Variants in ZNF208 observed in about 807,000 individuals in gnomAD.
ZNF208 encodes zinc finger protein 95.
ZNF208 carries 10 observed loss-of-function variants against 12.1 expected under a neutral mutation model. The observed-to-expected ratio is 0.83, with a 90% CI of 0.51 to 1.40. The LOEUF is 1.40. Ranked by LOEUF, ZNF208 falls within the 40% of genes most tolerant of loss-of-function variation. ZNF208 has a pLI of 0.00. For missense variants in ZNF208, 1,652 were observed against 1,485.0 expected (o/e 1.11, Z -1.85); for synonymous variants, 497 against 488.4 (o/e 1.02, Z -0.23).
intron 4 of ZNF208, among the ~76,000 whole-genome samples, chr19:21,954,528 T>C (rs1969940753): frequency 6.6e-6 from 1 of 152,212 alleles, no homozygotes; most frequent in South Asian, 2.1e-4. Flanking sequence ...CTTTATTGGG[T>C]GCATATATGT....
rs772294846 is a variant in ZNF208, at chr19:21,974,380, ATAAG to A, written c.650_653del (p.Thr217IlefsTer32). The A allele has an allele frequency of 4.3e-6, 7 of 1,613,466 alleles. No homozygotes were observed. The South Asian group carries it at 4.4e-5, about 10-fold the overall frequency. On this transcript the variant is annotated frameshift_variant, in exon 4 of 4. Coordinates refer to ENST00000397126, the MANE Select transcript of ZNF208 (RefSeq NM_007153.3). LOFTEE classifies it low-confidence loss of function (END_TRUNC). ...TCTCTCCAGTATGAGCACTCTTATA[ATAAG>A]TAAGGGTTGAGGACCAGTTAAAAGC...
At chr19:21,988,957 TTTTAA>T (rs779222278) in intron 1 of ZNF208, 48 bp from the exon 2 acceptor site, 70 of 1,606,924 alleles carry the variant, frequency 4.4e-5, no homozygotes, top group Non-Finnish European at 5.5e-5. Flanking sequence ...TGGGCAGAAT[TTTTAA>T]TTTGACTCAA....
chr19:21,995,503 G>A (rs923712174), intron 1 of ZNF208, among the ~76,000 whole-genome samples: 3 of 152,178 alleles, frequency 2.0e-5, no homozygotes, highest in Admixed American at 2.0e-4. Flanking sequence ...ATTCTCCAAT[G>A]TCTCAGAGAT....
chr19:21,989,453 G>A (rs1214067767), intron 1 of ZNF208, among the ~76,000 whole-genome samples: 4 of 151,906 alleles, frequency 2.6e-5, no homozygotes, highest in Non-Finnish European at 5.9e-5. Flanking sequence ...TGGTATATAT[G>A]TGCCACATTT....
At chr19:21,943,462 T>C (rs1157458326) in intron 4 of ZNF208, among the ~76,000 whole-genome samples, 1 of 152,220 alleles carries the variant, frequency 6.6e-6, no homozygotes, top group Non-Finnish European at 1.5e-5. Context: ...GGCATACTAA[T>C]AAAAATGATT....
At chr19:21,979,188 G>A (rs1970489555) in intron 3 of ZNF208, among the ~76,000 whole-genome samples, 1 of 152,184 alleles carries the variant, frequency 6.6e-6, no homozygotes, top group Admixed American at 6.5e-5. Context: ...CCCCAACATA[G>A]CAAGACAGGC....
rs1283900490 is a variant in ZNF208, at chr19:21,960,676, T to C, written c.305+14053A>G. On this transcript the variant is annotated intron_variant, in intron 4 of 4. Transcript: ENST00000599916. ...CCTATCCTGAATGTCAAGAACATCC[T>C]GAATGAGACCAGTCAGTATATTGTA... Among the ~76,000 whole-genome samples, 13 of 152,314 alleles carry C rather than the reference T, an allele frequency of 8.5e-5. No individual in the cohort carries two copies. The East Asian group carries it at 2.5e-3, about 29-fold the overall frequency.
At chr19:21,985,406 A>T (rs1316295330) in intron 3 of ZNF208, among the ~76,000 whole-genome samples, 1 of 152,188 alleles carries the variant, frequency 6.6e-6, no homozygotes, top group Non-Finnish European at 1.5e-5. Flanking sequence ...GTGAAACCCC[A>T]TCTCAAAAAT....
At chr19:21,986,232 A>T (rs769381515) in intron 3 of ZNF208, among the ~76,000 whole-genome samples, 1 of 152,108 alleles carries the variant, frequency 6.6e-6, no homozygotes, top group African/African-American at 2.4e-5. Flanking sequence ...TAAGTAAAAC[A>T]TTGCTGTTTG....
downstream of ZNF208, among the ~76,000 whole-genome samples, chr19:21,962,074 C>G (rs1324691991): frequency 5.3e-5 from 8 of 152,074 alleles, no homozygotes; most frequent in African/African-American, 1.9e-4. Context: ...AATTGATGTT[C>G]AGAGATTGAA....
At chr19:21,963,901 G>C (rs768927100), downstream of ZNF208, among the ~76,000 whole-genome samples, 5 of 151,754 alleles carry the variant, frequency 3.3e-5, no homozygotes, top group Non-Finnish European at 5.9e-5. Flanking sequence ...ATTTCAAATA[G>C]GTTAAGTAAG....
rs878921403 is a variant in ZNF208, at chr19:21,973,065, C to A, written c.1969G>T (p.Ala657Ser). 1 of 1,612,708 alleles carries A rather than the reference C, an allele frequency of 6.2e-7. No homozygotes were observed. The highest frequency in any genetic ancestry group is 8.5e-7 in the Non-Finnish European group (1 of 1,179,534). The change falls in exon 4 of 4, where the codon GCA becomes TCA. Residue 657 changes from alanine (A) to serine (S), a missense_variant. This residue lies in a region of ZNF208 where 1,239 missense variants were observed against 1,086.2 expected (regional missense o/e 1.14). Transcript: ENST00000397126. Reference sequence around the variant, plus strand: ...TAGGGCTTCTCTCCAGCATGAATTGCCTTATGTGTAGTAAGGGTTGAGACC... The same window carrying A: ...TAGGGCTTCTCTCCAGCATGAATTGACTTATGTGTAGTAAGGGTTGAGACC... ...IKVSTLTTHK[A>S]IHAGEKPYKC... is the part of the protein sequence containing the mutation.
chr19:21,953,770 C>A (rs1219617452), intron 4 of ZNF208, among the ~76,000 whole-genome samples: 1 of 151,714 alleles, frequency 6.6e-6, no homozygotes, highest in Non-Finnish European at 1.5e-5. Context: ...TTTTGTTGAT[C>A]TTTTCAATAA....
At chr19:21,963,029 T>C (rs1476125962), downstream of ZNF208, among the ~76,000 whole-genome samples, 4 of 152,124 alleles carry the variant, frequency 2.6e-5, no homozygotes, top group African/African-American at 9.6e-5. Context: ...ATAAGTATTC[T>C]ATTTATATCA....
rs1258222283 is a variant in ZNF208 at position 21,971,355 on chromosome 19, A to G, written c.3679T>C (p.Cys1227Arg). 14 of 1,610,994 alleles carry G rather than the reference A, an allele frequency of 8.7e-6. No individual in the cohort carries two copies. The highest frequency in any genetic ancestry group is 8.5e-7 in the Non-Finnish European group (1 of 1,179,852). ...KIHTGEKPYK[C>R]EECGKAFSTF... ...CTAAAGGCTTTGCCACATTCTTCAC[A>G]TTTGTAGGGTTTCTCTCCAGTATGA... Residue 1227 changes from cysteine (C) to arginine (R), a missense_variant, in exon 4 of 4, where the codon TGT (cysteine) becomes CGT (arginine). Transcript: ENST00000397126.
chr19:21,961,805 T>G (rs1420849250), downstream of ZNF208, among the ~76,000 whole-genome samples: 2 of 152,154 alleles, frequency 1.3e-5, no homozygotes, highest in Non-Finnish European at 2.9e-5. Context: ...GGCTCTATTC[T>G]GCCCTACCCC....
chr19:21,954,226 C>T (rs1969935419), intron 4 of ZNF208, among the ~76,000 whole-genome samples: 1 of 152,110 alleles, frequency 6.6e-6, no homozygotes, highest in African/African-American at 2.4e-5. Flanking sequence ...TGTTCTTTTC[C>T]ATTTGCTGAG....
chr19:21,986,689 A>G (rs1970633128), intron 3 of ZNF208: 1 of 202,356 alleles, frequency 4.9e-6, no homozygotes, highest in Non-Finnish European at 9.8e-6. Flanking sequence ...GAATAGCCAA[A>G]GCAATCTTGA....
chr19:21,983,186 A>T (rs2145562027), intron 3 of ZNF208, among the ~76,000 whole-genome samples: 1 of 152,342 alleles, frequency 6.6e-6, no homozygotes, highest in South Asian at 2.1e-4. Context: ...ACCATCAAAA[A>T]GTAGGCAAAG....
Sources: gnomAD v4.1 joint callset for allele counts (sites outside exome capture counted in the v4.1 genomes callset) on GRCh38, gnomAD v4.1.1 for gene constraint, gnomAD v4.1.1 regional missense constraint, MANE v1.5 for transcripts, NCBI Gene and HGNC (gene_info 2026-07-23, HGNC 2026-07-21) for gene names.